The following FBH1 variants were observed in gnomAD, a reference collection of about 807,000 sequenced individuals.
FBH1 encodes DNA 3'-5' helicase 1.
A neutral mutation model predicts 115.5 loss-of-function variants in FBH1; 43 were observed. The observed-to-expected ratio is 0.37, with a 90% CI of 0.29 to 0.48. The LOEUF is 0.48. Ranked by LOEUF, FBH1 falls within the 20% of genes least tolerant of loss-of-function variation. The pLI is 0.99. For synonymous variants in FBH1, 524 were observed against 507.8 expected, an observed-to-expected ratio of 1.03 and a Z score of -0.43; for missense variants, 1,001 against 1,337.3, an observed-to-expected ratio of 0.75 and a Z score of 3.92.
chr10:5,890,098 A>C, upstream of FBH1: 1 of 314,888 alleles, frequency 3.2e-6, no homozygotes, highest in Non-Finnish European at 5.8e-6. Context: ...GATTGGCGTT[A>C]GTGGCCGTCC....
At chr10:5,916,056 G>A in intron 9 of FBH1, 178 bp from the exon 10 acceptor site, 1 of 617,480 alleles carries the variant, frequency 1.6e-6, no homozygotes, top group Non-Finnish European at 2.8e-6. Flanking sequence ...TGTGAGTCCT[G>A]AAAGCCATTT....
At position 5,894,934 on chromosome 10, in the gene FBH1, C is replaced by T. The variant is rs186486356; in HGVS notation, c.1+4588C>T. ...ACACAAAGAATTGTTACAAGTATCT[C>T]GGGTGTACAGGGCGGTTTTATTCCT... On this transcript the variant is annotated intron_variant, in intron 1 of 20. Transcript: ENST00000362091. The T allele has an allele frequency of 1.4e-3, 1,508 of 1,049,364 alleles. 5 individuals are homozygous for T. The highest frequency in any genetic ancestry group is 1.7e-3 in the Non-Finnish European group (1,265 of 723,484). 65.0% of individuals were successfully genotyped at this position (1,049,364 alleles called of 1,614,324 possible). A position where few individuals can be genotyped will look rare whatever the true frequency, so the allele number is the denominator to read the frequency against.
Position 5,916,308 on chromosome 10 carries a change from A to T in FBH1, c.1640A>T (p.Lys547Met). The stretch of plus-strand genomic sequence containing the variant: ...GTCAACTCCGTCCTTGCTGAAGGGA[A>T]GGGTGGATTCATAAGAGCCAAGCTT... Reference protein sequence around the residue: ...FMVNSVLAEGKGGFIRAKLVC... With the variant: ...FMVNSVLAEGMGGFIRAKLVC... Residue 547 changes from lysine (K) to methionine (M), a missense_variant, in exon 10 of 21, where the codon AAG becomes ATG. Lys to Met is a moderately conservative substitution (Grantham distance 95). This residue lies in a region of FBH1 where 521 missense variants were observed against 811.0 expected (regional missense o/e 0.64). Transcript: ENST00000362091. The T allele has an allele frequency of 6.2e-7, 1 of 1,614,244 alleles. No homozygotes were observed. Among genetic ancestry groups the T allele is most frequent in the Non-Finnish European group, 8.5e-7 (1 of 1,180,042 alleles).
chr10:5,937,158 G>A lies in FBH1; in HGVS notation c.3010G>A (p.Glu1004Lys). Residue 1004 changes from glutamate (E) to lysine (K), a missense_variant, in exon 21 of 21, where the codon GAG becomes AAG. By Grantham distance (56) the Glu-to-Lys change is moderately conservative (BLOSUM62 1). This residue lies in a region of FBH1 where 521 missense variants were observed against 811.0 expected (regional missense o/e 0.64). Transcript: ENST00000362091. ...KGGYLCHSCA[E>K]QRIGPLAFLT... ...GGGCTACCTCTGCCACTCCTGTGCG[G>A]AGCAGCGCATCGGGCCCCTGGCGTT... The A allele has an allele frequency of 6.2e-7, 1 of 1,613,926 alleles. No homozygotes were observed. The highest frequency in any genetic ancestry group is 8.5e-7 in the Non-Finnish European group (1 of 1,179,894).
At chr10:5,892,446 C>T (rs1431289953) in intron 1 of FBH1, among the ~76,000 whole-genome samples, 2 of 152,118 alleles carry the variant, frequency 1.3e-5, no homozygotes. Flanking sequence ...TCTATCCCTC[C>T]TAGGCTGATT....
rs554162114 is a variant in FBH1, at chr10:5,911,341, C to A, written c.1211+213C>A. On this transcript the variant is annotated intron_variant, in intron 6 of 20. Coordinates refer to ENST00000362091, the MANE Select transcript of FBH1 (RefSeq NM_178150.3). This position sits in a 1 kb window ranked among gnomAD's most constrained non-coding sequence, Gnocchi z 5.4. ...CGCCTTATGAACGTGCAGTTCTGAG[C>A]GGCTGCGAGATACCACTAAGGCTGA... Among the ~76,000 whole-genome samples the A allele has an allele frequency of 6.6e-6, 1 of 152,200 alleles. No individual in the cohort carries two copies. The highest frequency in any genetic ancestry group is 1.5e-5 in the Non-Finnish European group (1 of 68,044).
Position 5,906,617 on chromosome 10 carries a change from C to T in FBH1, c.738C>T (p.Ile246=). 1 of 1,606,882 alleles carries T rather than the reference C, an allele frequency of 6.2e-7. No individual in the cohort carries two copies. Among genetic ancestry groups the T allele is most frequent in the Non-Finnish European group, 8.5e-7 (1 of 1,177,382 alleles). The change falls in exon 3 of 21, where the codon ATC becomes ATT. Residue 246 remains isoleucine, a synonymous_variant. Coordinates refer to ENST00000362091, the MANE Select transcript of FBH1 (RefSeq NM_178150.3). This position sits in a 1 kb window ranked among gnomAD's most constrained non-coding sequence, Gnocchi z 7.3. ...TGGTGTGCCACTTGTGGAGGGAGATCATCAGTGACCCGCTGGTGAGTGAGT... is the reference window on the plus strand; with the variant it reads ...TGGTGTGCCACTTGTGGAGGGAGATTATCAGTGACCCGCTGGTGAGTGAGT... ...LSLVCHLWRE[I]ISDPLFIPWK... is the part of the protein sequence containing the mutation.
At position 5,937,219 on chromosome 10, in the gene FBH1, A is replaced by T; in HGVS notation, c.3071A>T (p.Glu1024Val). 12 of 1,613,818 alleles carry T rather than the reference A, an allele frequency of 7.4e-6. No individual in the cohort carries two copies. The highest frequency in any genetic ancestry group is 9.3e-6 in the Non-Finnish European group (11 of 1,179,892). Residue 1024 changes from glutamate to valine, a missense_variant, in exon 21 of 21, where the codon GAG becomes GTG. Transcript: ENST00000362091. ...TCCCCGGAGCAGGTGCGCGCCATGG[A>T]GCGCACTGTGGAGAACATCGTACTG... is the stretch of plus-strand genomic sequence containing the variant. ...TASPEQVRAM[E>V]RTVENIVLPR...
At chr10:5,896,102 G>T (rs1338437642) in intron 1 of FBH1, among the ~76,000 whole-genome samples, 1 of 152,200 alleles carries the variant, frequency 6.6e-6, no homozygotes, top group Admixed American at 6.5e-5. Flanking sequence ...AGTGTCTCTT[G>T]TTTCCCCCTT....
In FBH1 at chr10:5,911,332, A is replaced by T. The variant is rs1831577204; in HGVS notation, c.1211+204A>T. 6.6e-6 allele frequency among the ~76,000 whole-genome samples: 1 copy of T among 152,224 alleles called. No individual in the cohort carries two copies. The highest frequency in any genetic ancestry group is 6.5e-5 in the Admixed American group (1 of 15,280). On this transcript the variant is annotated intron_variant, in intron 6 of 20. Transcript: ENST00000362091. This position sits in a 1 kb window ranked among gnomAD's most constrained non-coding sequence, Gnocchi z 5.4. ...TGGTAAGAGCGCCTTATGAACGTGC[A>T]GTTCTGAGCGGCTGCGAGATACCAC...
At chr10:5,901,881 G>C (rs1843367777) in intron 1 of FBH1, among the ~76,000 whole-genome samples, 1 of 152,162 alleles carries the variant, frequency 6.6e-6, no homozygotes, top group South Asian at 2.1e-4. Context: ...TATTTTTTAA[G>C]AAGTGTATCT....
At position 5,936,705 on chromosome 10, in the gene FBH1, G is replaced by T; in HGVS notation, c.2961+118G>T. Reference sequence around the variant, plus strand: ...GAGAGCTGTGTGATCCTTTATTAGGGGCTTTTCATATGAGAGGCACAAGAG... The same window carrying T: ...GAGAGCTGTGTGATCCTTTATTAGGTGCTTTTCATATGAGAGGCACAAGAG... On this transcript the variant is annotated intron_variant, in intron 20 of 20. Coordinates refer to ENST00000362091, the MANE Select transcript of FBH1 (RefSeq NM_178150.3). The surrounding 1 kb of genome is among the most constrained non-coding windows in gnomAD (Gnocchi z 5.6). 1.5e-6 allele frequency: 2 copies of T among 1,336,976 alleles called. No homozygotes were observed. The highest frequency in any genetic ancestry group is 2.1e-6 in the Non-Finnish European group (2 of 963,386). The allele number at this position is 1,336,976 out of a possible 1,614,324, so 82.8% of individuals were successfully genotyped here. A position where few individuals can be genotyped will look rare whatever the true frequency, so the allele number is the denominator to read the frequency against.
chr10:5,894,343 TA>T (rs1467777169), intron 1 of FBH1: 2 of 1,555,062 alleles, frequency 1.3e-6, no homozygotes, highest in Non-Finnish European at 1.7e-6. Flanking sequence ...ACAATGATTT[TA>T]AAAAAATGTA....
rs1012803958 is a variant in FBH1 at position 5,931,769 on chromosome 10, A to G, written c.2829+4228A>G. Among the ~76,000 whole-genome samples, 2 of 152,316 alleles carry G rather than the reference A, an allele frequency of 1.3e-5. No homozygotes were observed. Among genetic ancestry groups the G allele is most frequent in the South Asian group, 2.1e-4 (1 of 4,822 alleles). On this transcript the variant is annotated intron_variant, in intron 19 of 20. Transcript: ENST00000362091. The surrounding 1 kb of genome is among the most constrained non-coding windows in gnomAD (Gnocchi z 4.3). ...TTGCAGTTAGACATGTAGTTTATTCATAATACCTACAGGGGTTGCTTTGCT... is the reference window on the plus strand; with the variant it reads ...TTGCAGTTAGACATGTAGTTTATTCGTAATACCTACAGGGGTTGCTTTGCT...
chr10:5,902,978 C>T (rs931427752), intron 1 of FBH1, 42 bp from the exon 2 acceptor site: 4 of 1,549,366 alleles, frequency 2.6e-6, no homozygotes. Context: ...TCGGTGATAA[C>T]TAATGAATAT....
At chr10:5,912,816 G>A (rs371272544) in intron 6 of FBH1, among the ~76,000 whole-genome samples, 12 of 152,288 alleles carry the variant, frequency 7.9e-5, no homozygotes, top group East Asian at 1.9e-4. Flanking sequence ...TTGGGGTAGC[G>A]CTTCAACACA....
At chr10:5,916,108 C>T (rs1380589913) in intron 9 of FBH1, 126 bp from the exon 10 acceptor site, 7 of 831,116 alleles carry the variant, frequency 8.4e-6, no homozygotes, top group Admixed American at 5.0e-5. Context: ...CGCTTTAAAA[C>T]ATTAACACTC....
chr10:5,919,172 A>G (rs1326829095), intron 13 of FBH1, among the ~76,000 whole-genome samples: 2 of 152,184 alleles, frequency 1.3e-5, no homozygotes, highest in East Asian at 1.9e-4. Context: ...TTCAAAAAAT[A>G]TGTTCTTTAT....
chr10:5,900,107 A>T lies in FBH1; in HGVS notation c.2-2913A>T, dbSNP rs1351694667. 6.6e-6 allele frequency among the ~76,000 whole-genome samples: 1 copy of T among 152,210 alleles called. No homozygotes were observed. The highest frequency in any genetic ancestry group is 2.4e-5 in the African/African-American group (1 of 41,460). On this transcript the variant is annotated intron_variant, in intron 1 of 20. Transcript: ENST00000362091. This position sits in a 1 kb window ranked among gnomAD's most constrained non-coding sequence, Gnocchi z 4.2. ...TAGAAGGTATTTCCAGTAATACAGAATTGGCTGTATTTGGGCTGCTAATAC... is the reference window on the plus strand; with the variant it reads ...TAGAAGGTATTTCCAGTAATACAGATTTGGCTGTATTTGGGCTGCTAATAC...
Sources: gnomAD v4.1 joint callset for allele counts (sites outside exome capture counted in the v4.1 genomes callset) on GRCh38, gnomAD v4.1.1 for gene constraint, gnomAD v4.1.1 regional missense constraint, Gnocchi (gnomAD v3.1) non-coding constraint, MANE v1.5 for transcripts, NCBI Gene and HGNC (gene_info 2026-07-23, HGNC 2026-07-21) for gene names.